PHYHIPL: variants seen among roughly 807,000 people sequenced by gnomAD.
PHYHIPL encodes phytanoyl-CoA hydroxylase-interacting protein-like.
PHYHIPL carries 9 observed loss-of-function variants against 33.4 expected under a neutral mutation model. The observed-to-expected ratio is 0.27, with a 90% CI of 0.16 to 0.47. The LOEUF is 0.47. Among genes scored for constraint, PHYHIPL ranks in the 20% least tolerant of loss-of-function variants. PHYHIPL has a pLI of 0.99. For synonymous variants in PHYHIPL, 153 were observed against 154.1 expected, an observed-to-expected ratio of 0.99 and a Z score of 0.05; for missense variants, 365 against 460.7, an observed-to-expected ratio of 0.79 and a Z score of 1.90.
At chr10:59,218,307 T>G (rs1343465774) in intron 1 of PHYHIPL, among the ~76,000 whole-genome samples, 1 of 152,188 alleles carries the variant, frequency 6.6e-6, no homozygotes, top group Non-Finnish European at 1.5e-5. Context: ...ATTATCTTCC[T>G]GATCAATTCA....
At chr10:59,186,423 T>G (rs1016453248) in intron 1 of PHYHIPL, among the ~76,000 whole-genome samples, 3 of 152,218 alleles carry the variant, frequency 2.0e-5, no homozygotes, top group South Asian at 2.1e-4. Context: ...TTGTTCTTTT[T>G]GCTTAGGATT....
chr10:59,202,060 A>G (rs769581134), intron 1 of PHYHIPL, among the ~76,000 whole-genome samples: 1 of 152,164 alleles, frequency 6.6e-6, no homozygotes, highest in Non-Finnish European at 1.5e-5. Context: ...TTACATAGGC[A>G]GTAATAGACC....
At chr10:59,180,291 T>C (rs909019808) in intron 1 of PHYHIPL, among the ~76,000 whole-genome samples, 4 of 126,930 alleles carry the variant, frequency 3.2e-5, no homozygotes, top group South Asian at 2.6e-4. Context: ...CACACACATA[T>C]ATAATATATA....
chr10:59,203,096 G>A (rs1416416710), intron 1 of PHYHIPL, among the ~76,000 whole-genome samples: 1 of 152,032 alleles, frequency 6.6e-6, no homozygotes, highest in African/African-American at 2.4e-5. Context: ...CCCATCAGAA[G>A]GTGGGCAATG....
At chr10:59,227,041 A>C (rs942687553) in intron 1 of PHYHIPL, among the ~76,000 whole-genome samples, 3 of 152,246 alleles carry the variant, frequency 2.0e-5, no homozygotes, top group African/African-American at 7.2e-5. Context: ...AAGTGAAATA[A>C]GATGGAGAAC....
intron 1 of PHYHIPL, among the ~76,000 whole-genome samples, chr10:59,217,079 T>G (rs1839638414): frequency 6.6e-6 from 1 of 152,226 alleles, no homozygotes; most frequent in Non-Finnish European, 1.5e-5. Flanking sequence ...ATCACTGATT[T>G]GCCTTTTGAT....
chr10:59,229,706 A>G (rs916643037), intron 1 of PHYHIPL, among the ~76,000 whole-genome samples: 2 of 152,182 alleles, frequency 1.3e-5, no homozygotes, highest in African/African-American at 4.8e-5. Context: ...GAAGTGACAT[A>G]CAGAAATCAG....
At chr10:59,182,368 A>G (rs1213366117) in intron 1 of PHYHIPL, among the ~76,000 whole-genome samples, 2 of 152,052 alleles carry the variant, frequency 1.3e-5, no homozygotes, top group East Asian at 3.9e-4. Flanking sequence ...ATTGAGACGG[A>G]GTTTCGCTCT....
At chr10:59,221,254 T>C (rs1378769622) in intron 1 of PHYHIPL, among the ~76,000 whole-genome samples, 1 of 152,096 alleles carries the variant, frequency 6.6e-6, no homozygotes, top group Non-Finnish European at 1.5e-5. Context: ...AGTTTTAATA[T>C]TCTTTGACTA....
At position 59,246,147 on chromosome 10, in the gene PHYHIPL, A is replaced by G. The variant is rs1840686721; in HGVS notation, c.*556A>G. 6.6e-6 allele frequency: 1 copy of G among 152,666 alleles called. No individual in the cohort carries two copies. Among genetic ancestry groups the G allele is most frequent in the South Asian group, 2.1e-4 (1 of 4,838 alleles). 9.5% of individuals were successfully genotyped at this position (152,666 alleles called of 1,614,324 possible). A position where few individuals can be genotyped will look rare whatever the true frequency, so the allele number is the denominator to read the frequency against. ...AACATAATAAATATAATAGAAAAAT[A>G]TTTTATTTGTATTGTTGTATAAAAT... On this transcript the variant is annotated 3_prime_UTR_variant, in exon 5 of 5. Transcript: ENST00000373880.
At chr10:59,190,469 T>A (rs1838754223) in intron 1 of PHYHIPL, among the ~76,000 whole-genome samples, 1 of 152,086 alleles carries the variant, frequency 6.6e-6, no homozygotes, top group Non-Finnish European at 1.5e-5. Context: ...AAATTCTGTA[T>A]CTTGTATCAT....
chr10:59,195,871 A>T (rs1310182029), intron 1 of PHYHIPL, among the ~76,000 whole-genome samples: 1 of 152,176 alleles, frequency 6.6e-6, no homozygotes, highest in Non-Finnish European at 1.5e-5. Flanking sequence ...AGAAGGCATA[A>T]TAGATAATCA....
Position 59,243,128 on chromosome 10 carries a change from G to GAAA in PHYHIPL, c.597-1919_597-1917dup, listed in dbSNP as rs60177214. Among the ~76,000 whole-genome samples the GAAA allele has an allele frequency of 4.4e-5, 6 of 137,892 alleles. No homozygotes were observed. In the South Asian group the frequency reaches 1.1e-3, roughly 26 times the overall value. The allele number at this position is 137,892 out of a possible 152,430, so 90.5% of individuals were successfully genotyped here. On this transcript the variant is annotated intron_variant, in intron 4 of 4. Coordinates refer to ENST00000373880, the MANE Select transcript of PHYHIPL (RefSeq NM_032439.4). ...ACAAACTGAAAACTGCAGGCCAAAG[G>GAAA]AAAAAAAAAAAACATTGAAAGTGGT... is the stretch of plus-strand genomic sequence containing the variant.
intron 1 of PHYHIPL, among the ~76,000 whole-genome samples, chr10:59,217,880 T>C (rs1011775249): frequency 2.0e-5 from 3 of 152,108 alleles, no homozygotes; most frequent in African/African-American, 7.2e-5. Context: ...AAACACTTTG[T>C]CTTTCATATC....
chr10:59,222,024 G>A (rs1188682905), intron 1 of PHYHIPL, among the ~76,000 whole-genome samples: 1 of 152,022 alleles, frequency 6.6e-6, no homozygotes, highest in Non-Finnish European at 1.5e-5. Context: ...GTTAGTATCA[G>A]GAGGTTTCAG....
At chr10:59,173,936 T>TG (rs1838208493), upstream of PHYHIPL, among the ~76,000 whole-genome samples, 4 of 102,092 alleles carry the variant, frequency 3.9e-5, no homozygotes, top group Admixed American at 2.8e-4. Context: ...TTTTTTTTTT[T>TG]TTTTTTTTTT....
Position 59,247,472 on chromosome 10 carries a change from G to A in PHYHIPL, c.*1881G>A. 1.0e-6 allele frequency: 1 copy of A among 962,056 alleles called. No homozygotes were observed. The highest frequency in any genetic ancestry group is 1.6e-6 in the Non-Finnish European group (1 of 625,900). 59.6% of individuals were successfully genotyped at this position (962,056 alleles called of 1,614,324 possible). A position where few individuals can be genotyped will look rare whatever the true frequency, so the allele number is the denominator to read the frequency against. On this transcript the variant is annotated 3_prime_UTR_variant, in exon 5 of 5. Transcript: ENST00000373880. ...CTTCTCCTTGTATATAATTAAACTT[G>A]CTATTCCTTCTTAAAAACAGCTAAT... is the stretch of plus-strand genomic sequence containing the variant.
chr10:59,235,287 T>C (rs906286195), intron 2 of PHYHIPL, among the ~76,000 whole-genome samples: 22 of 151,896 alleles, frequency 1.4e-4, no homozygotes, highest in Non-Finnish European at 2.7e-4. Flanking sequence ...ACTTCTCTGA[T>C]ATTTATTCAC....
chr10:59,236,466 C>T lies in PHYHIPL; in HGVS notation c.304-17C>T. 1 of 1,495,372 alleles carries T rather than the reference C, an allele frequency of 6.7e-7. No homozygotes were observed. The highest frequency in any genetic ancestry group is 1.9e-5 in the Admixed American group (1 of 51,450). The allele number at this position is 1,495,372 out of a possible 1,614,324, so 92.6% of individuals were successfully genotyped here. ...CTCCCCTCATTTTTCTCTCTCTCTT[C>T]CTTCTTTCATTCCTAGGATGTTCCC... On this transcript the variant is annotated splice_polypyrimidine_tract_variant and intron_variant, in intron 2 of 4. Transcript: ENST00000373880.
Sources: gnomAD v4.1 joint callset for allele counts (sites outside exome capture counted in the v4.1 genomes callset) on GRCh38, gnomAD v4.1.1 for gene constraint, MANE v1.5 for transcripts, NCBI Gene and HGNC (gene_info 2026-07-23, HGNC 2026-07-21) for gene names.